The following TOP6BL variants were observed in gnomAD, a reference collection of about 807,000 sequenced individuals.
TOP6BL encodes TOP6B like initiator of meiotic double strand breaks.
chr11:66,755,355 A>C, the TOP6BL span, among the ~76,000 whole-genome samples: 1 of 152,152 alleles, frequency 6.6e-6, no homozygotes, highest in African/African-American at 2.4e-5. Flanking sequence ...TCCTAACCTC[A>C]GGTGATCCAC....
chr11:66,811,402 G>C, the TOP6BL span, among the ~76,000 whole-genome samples: 4 of 152,174 alleles, frequency 2.6e-5, no homozygotes, highest in African/African-American at 7.2e-5. Flanking sequence ...ATGTTGGCCA[G>C]GCTGGTCTCG....
At chr11:66,762,464 C>G in the TOP6BL span, 1 of 277,756 alleles carries the variant, frequency 3.6e-6, no homozygotes, top group South Asian at 3.5e-5. Flanking sequence ...CCCAGAGTAC[C>G]CTTTTTTGTT....
the TOP6BL span, chr11:66,800,885 T>TA: frequency 4.0e-6 from 4 of 1,008,046 alleles, no homozygotes; most frequent in Non-Finnish European, 4.5e-6. Context: ...GGGGTAAACT[T>TA]AAAGATTGCC....
the TOP6BL span, among the ~76,000 whole-genome samples, chr11:66,750,001 A>G: frequency 1.3e-5 from 2 of 152,162 alleles, no homozygotes; most frequent in African/African-American, 4.8e-5. Flanking sequence ...GATGATTATT[A>G]ACATTGAGTA....
the TOP6BL span, among the ~76,000 whole-genome samples, chr11:66,791,528 C>T: frequency 6.6e-6 from 1 of 152,022 alleles, no homozygotes; most frequent in African/African-American, 2.4e-5. Flanking sequence ...GAGAGAGAGA[C>T]AGACTTTCTT....
At chr11:66,766,039 A>G in the TOP6BL span, among the ~76,000 whole-genome samples, 1 of 152,184 alleles carries the variant, frequency 6.6e-6, no homozygotes, top group East Asian at 1.9e-4. Flanking sequence ...TTCATCAGGG[A>G]GTCTCTGGCA....
the TOP6BL span, among the ~76,000 whole-genome samples, chr11:66,793,532 G>A: frequency 8.9e-5 from 12 of 134,480 alleles, no homozygotes; most frequent in Non-Finnish European, 1.7e-4. Context: ...TGCAACCTCC[G>A]CCTTCCAGGT....
At chr11:66,812,885 A>ATAG in the TOP6BL span, among the ~76,000 whole-genome samples, 1 of 152,088 alleles carries the variant, frequency 6.6e-6, no homozygotes, top group Admixed American at 6.6e-5. Flanking sequence ...TAAACATCCT[A>ATAG]TAGTGCACAG....
chr11:66,772,271 C>G, the TOP6BL span, among the ~76,000 whole-genome samples: 1 of 152,186 alleles, frequency 6.6e-6, no homozygotes, highest in Non-Finnish European at 1.5e-5. Context: ...GCTTGCTAAA[C>G]TAGCCTGGGA....
chr11:66,794,293 C>T, the TOP6BL span, among the ~76,000 whole-genome samples: 1 of 151,740 alleles, frequency 6.6e-6, no homozygotes, highest in Non-Finnish European at 1.5e-5. Flanking sequence ...CAATAAAAAC[C>T]TACTGATTTC....
chr11:66,747,910 G>A, the TOP6BL span, among the ~76,000 whole-genome samples: 1 of 152,122 alleles, frequency 6.6e-6, no homozygotes, highest in Non-Finnish European at 1.5e-5. Flanking sequence ...ATAAGCTACC[G>A]CGCAGGGCAG....
the TOP6BL span, among the ~76,000 whole-genome samples, chr11:66,757,307 C>T: frequency 1.3e-5 from 2 of 152,018 alleles, no homozygotes; most frequent in African/African-American, 2.4e-5. Flanking sequence ...TGTGCCACTT[C>T]ACTCCAGCCT....
chr11:66,792,848 A>G, the TOP6BL span, among the ~76,000 whole-genome samples: 1 of 152,144 alleles, frequency 6.6e-6, no homozygotes, highest in Non-Finnish European at 1.5e-5. Context: ...TATAATCACC[A>G]AGGTTACAAA....
At chr11:66,756,337 C>A in the TOP6BL span, 1 of 1,089,090 alleles carries the variant, frequency 9.2e-7, no homozygotes, top group Non-Finnish European at 1.2e-6. Flanking sequence ...CTTTTCCCCC[C>A]TTTTTTTTTT....
At chr11:66,759,269 G>A in the TOP6BL span, among the ~76,000 whole-genome samples, 1 of 152,114 alleles carries the variant, frequency 6.6e-6, no homozygotes, top group Non-Finnish European at 1.5e-5. Context: ...ACATAAGTAT[G>A]TCTCATGCAG....
chr11:66,778,377 G>T, the TOP6BL span, among the ~76,000 whole-genome samples: 1 of 152,036 alleles, frequency 6.6e-6, no homozygotes, highest in Admixed American at 6.6e-5. Flanking sequence ...TACTCAGGGG[G>T]ATCTTTTGAG....
At chr11:66,840,194 C>T in the TOP6BL span, among the ~76,000 whole-genome samples, 101 of 152,294 alleles carry the variant, frequency 6.6e-4, 2 homozygotes, top group African/African-American at 2.3e-3. Flanking sequence ...ATTGGTGGTC[C>T]ACTCACTCAG....
the TOP6BL span, among the ~76,000 whole-genome samples, chr11:66,752,142 CTT>C: frequency 5.4e-4 from 74 of 137,796 alleles, no homozygotes; most frequent in Admixed American, 5.9e-4. Context: ...CCCTCTCTCT[CTT>C]TTTTTTTTTT....
At chr11:66,746,095 AC>A in the TOP6BL span, among the ~76,000 whole-genome samples, 2 of 152,052 alleles carry the variant, frequency 1.3e-5, no homozygotes, top group Admixed American at 1.3e-4. Context: ...GGCGTGAGCC[AC>A]CGTGCCCGGC....
Sources: gnomAD v4.1 joint callset for allele counts (sites outside exome capture counted in the v4.1 genomes callset) on GRCh38, gnomAD v4.1.1 for gene constraint, MANE v1.5 for transcripts, NCBI Gene and HGNC (gene_info 2026-07-23, HGNC 2026-07-21) for gene names.